The following ARL15 variants were observed in gnomAD, a reference collection of about 807,000 sequenced individuals.
ARL15 encodes ADP-ribosylation factor-like protein 15.
ARL15 carries 19 observed loss-of-function variants against 25.2 expected under a neutral mutation model. The ratio of observed to expected loss-of-function variants is 0.75; its 90% CI spans 0.53 to 1.10. The LOEUF (loss-of-function observed/expected upper bound fraction) is 1.10. ARL15 is among the 50% of genes least tolerant of loss of function. ARL15 has a pLI of 0.00. For synonymous variants in ARL15, 94 were observed against 86.8 expected (o/e 1.08, Z -0.46); for missense variants, 220 against 246.0 (o/e 0.89, Z 0.71).
At chr5:54,025,287 C>CAAAAAAAAAAA (rs756211559) in intron 4 of ARL15, among the ~76,000 whole-genome samples, 1 of 80,204 alleles carries the variant, frequency 1.2e-5, no homozygotes, top group Non-Finnish European at 2.5e-5. Flanking sequence ...ACAAAGGGAC[C>CAAAAAAAAAAA]AAAAAAAAAA....
chr5:53,913,243 C>A (rs1328611042), intron 4 of ARL15, among the ~76,000 whole-genome samples: 1 of 152,166 alleles, frequency 6.6e-6, no homozygotes, highest in African/African-American at 2.4e-5. Flanking sequence ...GGCAGGGTTG[C>A]AGTGAGCCAA....
chr5:54,012,824 C>T (rs1330174457), intron 4 of ARL15, among the ~76,000 whole-genome samples: 3 of 135,490 alleles, frequency 2.2e-5, no homozygotes, highest in African/African-American at 8.2e-5. Flanking sequence ...ACGCTGGACT[C>T]TTTTTTTTTT....
intron 4 of ARL15, among the ~76,000 whole-genome samples, chr5:53,940,665 G>A (rs529230751): frequency 3.3e-5 from 5 of 152,050 alleles, no homozygotes; most frequent in Non-Finnish European, 7.4e-5. Flanking sequence ...GAACAATTAT[G>A]GATTTTTTAA....
chr5:53,916,915 C>G (rs1261683018), intron 4 of ARL15, among the ~76,000 whole-genome samples: 1 of 152,178 alleles, frequency 6.6e-6, no homozygotes, highest in Admixed American at 6.5e-5. Flanking sequence ...CTAGCCCAAA[C>G]CTCCGATATT....
intron 4 of ARL15, among the ~76,000 whole-genome samples, chr5:54,024,836 CAT>C (rs1749733885): frequency 6.6e-6 from 1 of 151,784 alleles, no homozygotes; most frequent in South Asian, 2.1e-4. Flanking sequence ...CAAAGTATAA[CAT>C]ATAAAATCCA....
intron 4 of ARL15, among the ~76,000 whole-genome samples, chr5:53,923,506 G>A (rs1392010201): frequency 1.3e-5 from 2 of 151,984 alleles, no homozygotes; most frequent in African/African-American, 4.8e-5. Context: ...AATATAATAG[G>A]TTGTCAAATG....
At chr5:54,270,457 C>T (rs943052795) in intron 1 of ARL15, among the ~76,000 whole-genome samples, 1 of 152,198 alleles carries the variant, frequency 6.6e-6, no homozygotes, top group Non-Finnish European at 1.5e-5. Flanking sequence ...CTGCTACCTA[C>T]CATAACTTAG....
chr5:54,209,079 C>T lies in ARL15; in HGVS notation c.49-37151G>A, dbSNP rs1398253622. Among the ~76,000 whole-genome samples, 2 of 152,082 alleles carry T rather than the reference C, an allele frequency of 1.3e-5. 1 individual carries two copies. Among genetic ancestry groups the T allele is most frequent in the East Asian group, 3.9e-4 (2 of 5,182 alleles). ...TAATAAAGAAGAAATCATAATATGACAGCAATGAATGGCATTTATAAAGGC... is the reference window on the plus strand; with the variant it reads ...TAATAAAGAAGAAATCATAATATGATAGCAATGAATGGCATTTATAAAGGC... On this transcript the variant is annotated intron_variant, in intron 1 of 4. Coordinates refer to ENST00000504924, the MANE Select transcript of ARL15 (RefSeq NM_019087.3).
At chr5:53,910,222 G>A (rs1407920711) in intron 4 of ARL15, among the ~76,000 whole-genome samples, 1 of 152,094 alleles carries the variant, frequency 6.6e-6, no homozygotes, top group African/African-American at 2.4e-5. Flanking sequence ...CCAACTCCCT[G>A]CTCTTTATCA....
chr5:54,051,602 C>G (rs1750703543), intron 4 of ARL15, among the ~76,000 whole-genome samples: 1 of 152,124 alleles, frequency 6.6e-6, no homozygotes, highest in Non-Finnish European at 1.5e-5. Context: ...TAGGGAATTA[C>G]AAATTTAGAC....
chr5:54,248,143 C>G (rs947610230), intron 1 of ARL15, among the ~76,000 whole-genome samples: 4 of 152,146 alleles, frequency 2.6e-5, no homozygotes, highest in African/African-American at 7.2e-5. Context: ...GTATCTCCCC[C>G]CAAATGTATA....
chr5:53,944,190 G>A (rs941729381), intron 4 of ARL15, among the ~76,000 whole-genome samples: 2 of 152,082 alleles, frequency 1.3e-5, no homozygotes, highest in South Asian at 4.1e-4. Flanking sequence ...TAACTAAAAG[G>A]AGTTTAAAAG....
chr5:53,970,451 C>A (rs1329128449), intron 4 of ARL15, among the ~76,000 whole-genome samples: 1 of 151,948 alleles, frequency 6.6e-6, no homozygotes, highest in Non-Finnish European at 1.5e-5. Context: ...TTCTCTCATC[C>A]TAAACACTAT....
At chr5:54,047,790 T>C (rs1488750262) in intron 4 of ARL15, among the ~76,000 whole-genome samples, 1 of 152,212 alleles carries the variant, frequency 6.6e-6, no homozygotes, top group Non-Finnish European at 1.5e-5. Context: ...TTTAATTATG[T>C]TATCCTGAGT....
intron 4 of ARL15, among the ~76,000 whole-genome samples, chr5:54,013,071 A>G (rs1749298878): frequency 6.6e-6 from 1 of 152,182 alleles, no homozygotes; most frequent in Non-Finnish European, 1.5e-5. Flanking sequence ...AAGTGCTGGG[A>G]TTACAGGTGT....
chr5:54,161,341 ACAACT>A (rs1378151350), intron 2 of ARL15, among the ~76,000 whole-genome samples: 1 of 152,182 alleles, frequency 6.6e-6, no homozygotes, highest in African/African-American at 2.4e-5. Context: ...ATTTATATGA[ACAACT>A]GCTTTCTAAG....
At chr5:54,041,974 GTT>G (rs1339441559) in intron 4 of ARL15, among the ~76,000 whole-genome samples, 6 of 141,496 alleles carry the variant, frequency 4.2e-5, no homozygotes, top group Non-Finnish European at 4.7e-5. Flanking sequence ...TTTCGTTTTT[GTT>G]TTTTTTTTTT....
chr5:53,945,468 G>A (rs1746695989), intron 4 of ARL15, among the ~76,000 whole-genome samples: 1 of 152,140 alleles, frequency 6.6e-6, no homozygotes. Context: ...CTCCAAACGA[G>A]TTATTTAGTT....
chr5:54,291,071 C>T (rs893715163), intron 1 of ARL15, among the ~76,000 whole-genome samples: 13 of 152,148 alleles, frequency 8.5e-5, no homozygotes, highest in African/African-American at 3.1e-4. Flanking sequence ...CTTAAAGGTT[C>T]AAAAAAATTT....
Sources: allele counts gnomAD v4.1 joint callset (sites outside exome capture counted in the v4.1 genomes callset), GRCh38; gene constraint gnomAD v4.1.1; transcripts MANE v1.5; gene names NCBI Gene and HGNC (gene_info 2026-07-23, HGNC 2026-07-21).